The following CNTN3 variants were observed in gnomAD, a reference collection of about 807,000 sequenced individuals.
CNTN3 encodes the protein contactin 3.
CNTN3 carries 60 observed loss-of-function variants against 119.1 expected under a neutral mutation model. That is an observed-to-expected ratio of 0.50 (90% CI 0.41 to 0.62). CNTN3 has a LOEUF of 0.62. CNTN3 is among the 20% of genes least tolerant of loss of function. The pLI, the probability that CNTN3 is intolerant of heterozygous loss-of-function variation, is 0.00. For missense variants in CNTN3, 1,101 were observed against 1,242.4 expected (o/e 0.89, Z 1.71); for synonymous variants, 450 against 438.7 (o/e 1.03, Z -0.32).
At position 74,542,905 on chromosome 3, in the gene CNTN3, G is replaced by A. The variant is rs192186276; in HGVS notation, c.-80-21713C>T. ...AGGCTGGGGCTGGAGGATTGCTTGA[G>A]GCCAGGAGTTCCAGACCAGCACGGT... On this transcript the variant is annotated intron_variant, in intron 1 of 22. Transcript: ENST00000263665. Among the ~76,000 whole-genome samples, 574 of 152,208 alleles carry A rather than the reference G, an allele frequency of 3.8e-3. 6 individuals are homozygous for A. Among genetic ancestry groups the A allele is most frequent in the African/African-American group, 0.013 (558 of 41,508 alleles).
chr3:74,488,116 C>CT (rs1032741051), intron 3 of CNTN3, among the ~76,000 whole-genome samples: 4 of 149,678 alleles, frequency 2.7e-5, no homozygotes, highest in Admixed American at 6.7e-5. Flanking sequence ...TAAACCTCAA[C>CT]TTTTTTTTTG....
chr3:74,372,476 G>A (rs1704365665), intron 5 of CNTN3, among the ~76,000 whole-genome samples: 1 of 151,968 alleles, frequency 6.6e-6, no homozygotes, highest in African/African-American at 2.4e-5. Context: ...TGAGATTTAA[G>A]CACGGTTACT....
At chr3:74,553,922 T>A (rs973608693) in intron 1 of CNTN3, among the ~76,000 whole-genome samples, 1 of 152,222 alleles carries the variant, frequency 6.6e-6, no homozygotes, top group African/African-American at 2.4e-5. Context: ...TTTAGTTTAA[T>A]TAGATCCCAT....
In CNTN3 at chr3:74,545,798, G is replaced by T. The variant is rs539681971; in HGVS notation, c.-80-24606C>A. Reference sequence around the variant, plus strand: ...CAACCCCCACCCCCAAAACTGATAAGATTTTTAAAGAACGATTTCTATCAC... The same window carrying T: ...CAACCCCCACCCCCAAAACTGATAATATTTTTAAAGAACGATTTCTATCAC... On this transcript the variant is annotated intron_variant, in intron 1 of 22. Coordinates refer to ENST00000263665, the MANE Select transcript of CNTN3 (RefSeq NM_020872.3). Among the ~76,000 whole-genome samples, 28 of 152,120 alleles carry T rather than the reference G, an allele frequency of 1.8e-4. 1 individual carries two copies. The South Asian group carries it at 5.6e-3, about 30-fold the overall frequency.
chr3:74,287,345 A>G (rs1438684535), intron 19 of CNTN3, among the ~76,000 whole-genome samples: 1 of 152,202 alleles, frequency 6.6e-6, no homozygotes, highest in African/African-American at 2.4e-5. Context: ...TATTGTGAAG[A>G]GTCCTTAATA....
intron 5 of CNTN3, among the ~76,000 whole-genome samples, chr3:74,383,964 A>G (rs1704685125): frequency 6.6e-6 from 1 of 152,244 alleles, no homozygotes; most frequent in Non-Finnish European, 1.5e-5. Flanking sequence ...GCAGTGGCTC[A>G]GCTCATTTTT....
At chr3:74,569,216 T>G (rs1423968396) in intron 1 of CNTN3, among the ~76,000 whole-genome samples, 1 of 152,162 alleles carries the variant, frequency 6.6e-6, no homozygotes, top group Non-Finnish European at 1.5e-5. Flanking sequence ...AGGCCTGCCC[T>G]CATATTACCA....
chr3:74,546,739 C>T (rs191899241), intron 1 of CNTN3, among the ~76,000 whole-genome samples: 12 of 152,240 alleles, frequency 7.9e-5, no homozygotes, highest in Middle Eastern at 3.4e-3. Context: ...GGCTTCCTTG[C>T]TCCTGAGCTT....
At chr3:74,548,176 G>A (rs1703940804) in intron 1 of CNTN3, among the ~76,000 whole-genome samples, 1 of 152,184 alleles carries the variant, frequency 6.6e-6, no homozygotes, top group Non-Finnish European at 1.5e-5. Flanking sequence ...GATGGATTTG[G>A]TTACACCAAT....
At chr3:74,589,199 C>A (rs1704653610) in intron 1 of CNTN3, among the ~76,000 whole-genome samples, 1 of 152,084 alleles carries the variant, frequency 6.6e-6, no homozygotes, top group African/African-American at 2.4e-5. Flanking sequence ...ATTTTTGTGA[C>A]CTACTCATCT....
At chr3:74,591,415 T>G (rs1704701038) in intron 1 of CNTN3, among the ~76,000 whole-genome samples, 1 of 151,984 alleles carries the variant, frequency 6.6e-6, no homozygotes, top group Non-Finnish European at 1.5e-5. Context: ...TTTTTTACAT[T>G]TCCCTGCAAG....
At chr3:74,515,134 C>T (rs564603764) in intron 2 of CNTN3, among the ~76,000 whole-genome samples, 6 of 152,034 alleles carry the variant, frequency 3.9e-5, no homozygotes, top group Middle Eastern at 3.4e-3. Flanking sequence ...TCAAGGGATA[C>T]CCCACAGGAT....
At chr3:74,548,249 G>A (rs1251482802) in intron 1 of CNTN3, among the ~76,000 whole-genome samples, 2 of 152,062 alleles carry the variant, frequency 1.3e-5, no homozygotes, top group Non-Finnish European at 2.9e-5. Context: ...TCTAAATAAT[G>A]GTGATGAAAA....
intron 11 of CNTN3, among the ~76,000 whole-genome samples, chr3:74,344,396 G>GATTTTTTTTTTT (rs1274539668): frequency 1.1e-5 from 1 of 87,812 alleles, no homozygotes; most frequent in Non-Finnish European, 2.3e-5. Flanking sequence ...CTTACACAGT[G>GATTTTTTTTTTT]GTTTTTTTTT....
At chr3:74,369,401 C>T (rs1704279305) in intron 7 of CNTN3, 28 bp from the exon 8 acceptor site, 3 of 1,536,576 alleles carry the variant, frequency 2.0e-6, no homozygotes, top group East Asian at 2.4e-5. Context: ...AAGTTGTCTG[C>T]TATTGTCTGG....
chr3:74,346,115 G>A (rs899070258), intron 11 of CNTN3, among the ~76,000 whole-genome samples: 2 of 152,006 alleles, frequency 1.3e-5, no homozygotes, highest in African/African-American at 4.8e-5. Context: ...AAGATATAAA[G>A]TTATTAAAAG....
chr3:74,456,512 A>T (rs1050187795), intron 4 of CNTN3, among the ~76,000 whole-genome samples: 2 of 152,088 alleles, frequency 1.3e-5, no homozygotes, highest in Admixed American at 1.3e-4. Flanking sequence ...GCAAAGTACA[A>T]TGTTAAAATA....
intron 10 of CNTN3, 101 bp from the exon 11 acceptor site, chr3:74,362,141 T>G: frequency 7.9e-7 from 1 of 1,260,318 alleles, no homozygotes; most frequent in South Asian, 1.5e-5. Context: ...TTCTTTACAT[T>G]CAGGGTGTCA....
chr3:74,602,611 A>G lies in CNTN3; in HGVS notation c.-81+11780T>C, dbSNP rs183738070. 2.6e-5 allele frequency among the ~76,000 whole-genome samples: 4 copies of G among 152,214 alleles called. No individual in the cohort carries two copies. In the East Asian group the frequency reaches 7.8e-4, roughly 30 times the overall value. ...TCCAGTCAGATTACTTGATTAGATA[A>G]GAACTTTTGGGGCATAGTTCTTGTT... On this transcript the variant is annotated intron_variant, in intron 1 of 22. Transcript: ENST00000263665.
Sources: gnomAD v4.1 joint callset for allele counts (sites outside exome capture counted in the v4.1 genomes callset) on GRCh38, gnomAD v4.1.1 for gene constraint, MANE v1.5 for transcripts, NCBI Gene and HGNC (gene_info 2026-07-23, HGNC 2026-07-21) for gene names.